SPRED2: variants seen among roughly 807,000 people sequenced by gnomAD.
SPRED2 encodes the protein sprouty related EVH1 domain containing 2.
SPRED2 carries 47 observed loss-of-function variants against 43.0 expected under a neutral mutation model. That is an observed-to-expected ratio of 1.09 (90% confidence interval 0.87 to 1.40). SPRED2 has a LOEUF of 1.40. Ranked by LOEUF, SPRED2 falls within the 40% of genes most tolerant of loss-of-function variation. The probability of loss-of-function intolerance (pLI) is 0.00; values close to 1 mark genes in which losing one functional copy is unlikely to be tolerated. For missense variants in SPRED2, 561 were observed against 586.4 expected (o/e 0.96, Z 0.45); for synonymous variants, 225 against 225.7 (o/e 1.00, Z 0.03).
intron 1 of SPRED2, among the ~76,000 whole-genome samples, chr2:65,352,852 G>T (rs1674550440): frequency 6.6e-6 from 1 of 152,124 alleles, no homozygotes; most frequent in Non-Finnish European, 1.5e-5. Context: ...TCAAACTCCT[G>T]GCCTCAAATG....
Position 65,334,605 on chromosome 2 carries a change from CT to C in SPRED2, c.372del (p.Gly125ValfsTer81). ...GVRKAIEDLI[E>X]GSTTSSSTIH... ...AAGAATGCAGCGACAAGTTCAATAC[CT>C]TCTATAAGGTCTTCGATTGCTTTCC... On this transcript the variant is annotated frameshift_variant and splice_region_variant, in exon 3 of 6. Coordinates refer to ENST00000356388, the MANE Select transcript of SPRED2 (RefSeq NM_181784.3). LOFTEE classifies it high-confidence loss of function. 6.2e-7 allele frequency: 1 copy of C among 1,613,992 alleles called. No homozygotes were observed. The highest frequency in any genetic ancestry group is 8.5e-7 in the Non-Finnish European group (1 of 1,179,956).
intron 1 of SPRED2, among the ~76,000 whole-genome samples, chr2:65,367,544 G>A (rs1675010198): frequency 6.6e-6 from 1 of 152,144 alleles, no homozygotes; most frequent in African/African-American, 2.4e-5. Flanking sequence ...GTTAGGTATA[G>A]AGCTACCACA....
chr2:65,384,566 G>A (rs68138365), intron 1 of SPRED2, among the ~76,000 whole-genome samples: 2 of 152,124 alleles, frequency 1.3e-5, no homozygotes, highest in African/African-American at 4.8e-5. Flanking sequence ...GAGCAAGCCG[G>A]TGTGGTAGCA....
chr2:65,339,373 T>C (rs35076561), intron 2 of SPRED2, among the ~76,000 whole-genome samples: 85,929 of 150,906 alleles, frequency 0.57, 24,571 homozygotes, highest in East Asian at 0.79. Context: ...TCATTTTGTT[T>C]TGTACCAAGA....
chr2:65,325,064 T>C (rs1324314326), intron 4 of SPRED2, among the ~76,000 whole-genome samples: 2 of 152,330 alleles, frequency 1.3e-5, no homozygotes, highest in Admixed American at 6.5e-5. Flanking sequence ...TTCACAGCCT[T>C]CTCAAGTAGG....
rs1032457323 is a variant in SPRED2 at position 65,381,504 on chromosome 2, C to T, written c.27-36608G>A. On this transcript the variant is annotated intron_variant, in intron 1 of 5. Coordinates refer to ENST00000356388, the MANE Select transcript of SPRED2 (RefSeq NM_181784.3). Reference sequence around the variant, plus strand: ...GGAAACAAGAGTATCTCCTCTGGGGCATCTTGGGGTTTGTTATGCTAGTTA... The same window carrying T: ...GGAAACAAGAGTATCTCCTCTGGGGTATCTTGGGGTTTGTTATGCTAGTTA... Among the ~76,000 whole-genome samples the T allele has an allele frequency of 2.0e-5, 3 of 152,320 alleles. No individual in the cohort carries two copies. The South Asian group carries it at 6.2e-4, about 32-fold the overall frequency.
chr2:65,399,660 C>T lies in SPRED2; in HGVS notation c.26+32302G>A, dbSNP rs142461321. 4.6e-3 allele frequency among the ~76,000 whole-genome samples: 697 copies of T among 152,168 alleles called. 6 individuals carry two copies. The Middle Eastern group carries it at 0.051, about 11-fold the overall frequency. On this transcript the variant is annotated intron_variant, in intron 1 of 5. Coordinates refer to ENST00000356388, the MANE Select transcript of SPRED2 (RefSeq NM_181784.3). ...CCTCCCAAAGTGCTGGGATTACAGG[C>T]GTGAGCCACTGCGCCTGGCCTTAAC... is the stretch of plus-strand genomic sequence containing the variant.
At chr2:65,341,638 C>G (rs367568100) in intron 2 of SPRED2, among the ~76,000 whole-genome samples, 58 of 152,234 alleles carry the variant, frequency 3.8e-4, no homozygotes, top group African/African-American at 1.3e-3. Flanking sequence ...ATAGTAGTAT[C>G]TTCCTCCTTC....
rs554182616 is a variant in SPRED2 at position 65,396,616 on chromosome 2, A to G, written c.26+35346T>C. 1.6e-4 allele frequency among the ~76,000 whole-genome samples: 24 copies of G among 152,360 alleles called. 1 individual carries two copies. The South Asian group carries it at 5.0e-3, about 32-fold the overall frequency. The stretch of plus-strand genomic sequence containing the variant: ...ACCAGCACTGTAGTATAACTGAGCA[A>G]CAGGACAGAGATGGGTTTGTCCTGG... On this transcript the variant is annotated intron_variant, in intron 1 of 5. Coordinates refer to ENST00000356388, the MANE Select transcript of SPRED2 (RefSeq NM_181784.3).
At chr2:65,349,543 A>C (rs1433525867) in intron 1 of SPRED2, among the ~76,000 whole-genome samples, 1 of 151,420 alleles carries the variant, frequency 6.6e-6, no homozygotes, top group African/African-American at 2.4e-5. Flanking sequence ...TAAGGTGAAG[A>C]ATTGAAACTC....
intron 1 of SPRED2, among the ~76,000 whole-genome samples, chr2:65,391,133 A>G (rs1040549016): frequency 6.7e-6 from 1 of 149,426 alleles, no homozygotes; most frequent in Admixed American, 6.7e-5. Context: ...CACAGGCCCC[A>G]TGAGCTTGTC....
downstream of SPRED2, among the ~76,000 whole-genome samples, chr2:65,307,874 C>T (rs901550059): frequency 3.9e-5 from 6 of 152,074 alleles, no homozygotes; most frequent in African/African-American, 1.2e-4. Context: ...CCCCACGAAT[C>T]GGAAAGACCA....
At chr2:65,378,116 A>G (rs986785971) in intron 1 of SPRED2, 4 of 178,740 alleles carry the variant, frequency 2.2e-5, no homozygotes, top group African/African-American at 9.4e-5. Flanking sequence ...TCAGAAGTGC[A>G]TATGCATCGT....
intron 1 of SPRED2, among the ~76,000 whole-genome samples, chr2:65,352,422 A>G (rs1384704997): frequency 1.3e-5 from 2 of 152,376 alleles, no homozygotes; most frequent in Admixed American, 1.3e-4. Context: ...TACTAGTAAA[A>G]GAACCCGTGT....
intron 1 of SPRED2, among the ~76,000 whole-genome samples, chr2:65,401,937 G>GCGCGCGCACGCACA (rs776512353): frequency 1.7e-5 from 2 of 114,714 alleles, no homozygotes; most frequent in African/African-American, 3.4e-5. Flanking sequence ...GCGCGCGCGC[G>GCGCGCGCACGCACA]CACACACACA....
At chr2:65,354,268 G>A (rs1275450406) in intron 1 of SPRED2, among the ~76,000 whole-genome samples, 1 of 152,166 alleles carries the variant, frequency 6.6e-6, no homozygotes, top group Non-Finnish European at 1.5e-5. Context: ...CTCAGAGAAA[G>A]CCCCAATTTT....
intron 5 of SPRED2, among the ~76,000 whole-genome samples, chr2:65,315,706 G>C (rs1176984088): frequency 6.6e-6 from 1 of 152,146 alleles, no homozygotes; most frequent in Non-Finnish European, 1.5e-5. Context: ...GCTCTGTTGC[G>C]ATGACGCAAT....
chr2:65,357,784 T>A (rs974959119), intron 1 of SPRED2, among the ~76,000 whole-genome samples: 4 of 152,194 alleles, frequency 2.6e-5, no homozygotes, highest in African/African-American at 9.7e-5. Flanking sequence ...CCTTTTTGGA[T>A]CTGTTGTAAT....
intron 1 of SPRED2, among the ~76,000 whole-genome samples, chr2:65,411,690 G>A (rs553358352): frequency 6.6e-6 from 1 of 152,326 alleles, no homozygotes; most frequent in South Asian, 2.1e-4. Flanking sequence ...CTGGTGACTT[G>A]TTGGGTAAAT....
Sources: allele counts gnomAD v4.1 joint callset (sites outside exome capture counted in the v4.1 genomes callset), GRCh38; gene constraint gnomAD v4.1.1; transcripts MANE v1.5; gene names NCBI Gene and HGNC (gene_info 2026-07-23, HGNC 2026-07-21).